ATP2C1: variants seen among roughly 807,000 people sequenced by gnomAD.
The protein encoded by ATP2C1 is ATPase secretory pathway Ca2+ transporting 1, also known as calcium-transporting ATPase type 2C member 1.
A neutral mutation model predicts 120.5 loss-of-function variants in ATP2C1; 31 were observed. The observed-to-expected ratio is 0.26, with a 90% CI of 0.19 to 0.35. The LOEUF (loss-of-function observed/expected upper bound fraction) is 0.35. ATP2C1 is among the 10% of genes least tolerant of loss of function. ATP2C1 has a pLI of 1.00. For missense variants in ATP2C1, 731 were observed against 1,107.5 expected (o/e 0.66, Z 4.83); for synonymous variants, 351 against 358.7 (o/e 0.98, Z 0.24).
chr3:130,865,295 G>A (rs2068134936), intron 1 of ATP2C1, among the ~76,000 whole-genome samples: 1 of 152,144 alleles, frequency 6.6e-6, no homozygotes, highest in East Asian at 1.9e-4. Flanking sequence ...CCCAATACCT[G>A]TACCTCCATT....
chr3:130,966,058 C>G (rs1172418102), intron 14 of ATP2C1, among the ~76,000 whole-genome samples: 2 of 152,168 alleles, frequency 1.3e-5, no homozygotes, highest in African/African-American at 4.8e-5. Flanking sequence ...CTGGAATGCT[C>G]TTAACACTAC....
chr3:130,859,007 G>A (rs1240789949), intron 1 of ATP2C1, among the ~76,000 whole-genome samples: 2 of 152,158 alleles, frequency 1.3e-5, no homozygotes, highest in Non-Finnish European at 2.9e-5. Context: ...TGCAGAGTGC[G>A]GGGGTATGTG....
chr3:130,937,500 T>A, intron 6 of ATP2C1, 37 bp downstream of exon 6: 3 of 1,572,018 alleles, frequency 1.9e-6, no homozygotes, highest in Non-Finnish European at 2.6e-6. Flanking sequence ...AAATGGTATG[T>A]TAATTGCTTA....
intron 1 of ATP2C1, among the ~76,000 whole-genome samples, chr3:130,878,336 A>G (rs1207641286): frequency 6.6e-6 from 1 of 152,136 alleles, no homozygotes; most frequent in Non-Finnish European, 1.5e-5. Flanking sequence ...AATAAATGAG[A>G]ATTTACTTCT....
downstream of ATP2C1, among the ~76,000 whole-genome samples, chr3:131,006,629 GTGTGTT>G (rs1356972232): frequency 8.9e-4 from 53 of 59,778 alleles, no homozygotes; most frequent in Non-Finnish European, 1.6e-3. Context: ...GATTTCTAGT[GTGTGTT>G]TGTGTGTGTG....
At chr3:130,969,191 T>C in intron 16 of ATP2C1, 101 bp from the exon 17 acceptor site, 1 of 780,024 alleles carries the variant, frequency 1.3e-6, no homozygotes, top group African/African-American at 1.7e-5. Flanking sequence ...AACTGAAAAA[T>C]AATCCAGCCA....
At chr3:130,981,292 A>G (rs1481926643) in intron 20 of ATP2C1, among the ~76,000 whole-genome samples, 6 of 152,180 alleles carry the variant, frequency 3.9e-5, no homozygotes, top group Non-Finnish European at 8.8e-5. Flanking sequence ...ATTGAATCAT[A>G]CCATATGAAT....
At chr3:130,887,559 G>C (rs990379921) in intron 1 of ATP2C1, among the ~76,000 whole-genome samples, 3 of 152,184 alleles carry the variant, frequency 2.0e-5, no homozygotes, top group Non-Finnish European at 4.4e-5. Flanking sequence ...AGTCCTTCCT[G>C]CTCTTCCCTC....
intron 22 of ATP2C1, 87 bp from the exon 23 acceptor site, chr3:130,995,956 T>C: frequency 1.0e-6 from 1 of 961,842 alleles, no homozygotes. Context: ...GAAATTTATT[T>C]TCAAAATTAG....
rs1473731584 is a variant in ATP2C1, at chr3:131,001,909, A to G, written c.*559A>G. The G allele has an allele frequency of 1.0e-6, 1 of 985,078 alleles. No individual in the cohort carries two copies. Among genetic ancestry groups the G allele is most frequent in the African/African-American group, 1.7e-5 (1 of 57,214 alleles). 61.0% of individuals were successfully genotyped at this position (985,078 alleles called of 1,614,324 possible). A position where few individuals can be genotyped will look rare whatever the true frequency, so the allele number is the denominator to read the frequency against. ...TATCAAGTTTTTTGCACAGGATGTG[A>G]CCACTGTCAGATCACTGTTCTTTTC... is the stretch of plus-strand genomic sequence containing the variant. On this transcript the variant is annotated 3_prime_UTR_variant, in exon 28 of 28. Transcript: ENST00000510168.
intron 23 of ATP2C1, 166 bp downstream of exon 23, chr3:130,996,277 A>T (rs988764354): frequency 2.2e-5 from 14 of 644,564 alleles, no homozygotes; most frequent in African/African-American, 3.7e-5. Flanking sequence ...TTTAAATGGC[A>T]TGATAAATAG....
At chr3:130,890,156 A>T (rs1361607801), upstream of ATP2C1, among the ~76,000 whole-genome samples, 3 of 152,190 alleles carry the variant, frequency 2.0e-5, no homozygotes, top group African/African-American at 7.2e-5. Flanking sequence ...GAATTATGCT[A>T]GTTTGGAAAC....
rs925548783 is a variant in ATP2C1, at chr3:130,941,624, C to T, written c.456C>T (p.Ala152=). Residue 152 remains alanine (A), a synonymous_variant, in exon 8 of 28, where the codon GCC becomes GCT. Transcript: ENST00000510168. ...AAGGAAAATTGGAGCATACACTTGC[C>T]CGAGACTTGGTTCCAGGTGATACAG... ...VREGKLEHTL[A]RDLVPGDTVC... The T allele has an allele frequency of 3.7e-6, 6 of 1,613,820 alleles. No individual in the cohort carries two copies. The Admixed American group carries it at 6.7e-5, about 18-fold the overall frequency.
chr3:130,903,363 T>C (rs1374275255), intron 2 of ATP2C1, among the ~76,000 whole-genome samples: 2 of 152,080 alleles, frequency 1.3e-5, no homozygotes, highest in East Asian at 3.9e-4. Context: ...TTAAATGATA[T>C]TAAATTGTAT....
intron 2 of ATP2C1, chr3:130,929,828 C>G (rs2059377526): frequency 5.9e-6 from 1 of 168,370 alleles, no homozygotes; most frequent in Non-Finnish European, 1.3e-5. Context: ...CAGCCTTCCC[C>G]ACCCTTCCCA....
intron 17 of ATP2C1, among the ~76,000 whole-genome samples, chr3:130,975,029 T>C (rs1203317907): frequency 1.3e-5 from 2 of 152,212 alleles, no homozygotes; most frequent in East Asian, 1.9e-4. Flanking sequence ...TGAGCTGTTA[T>C]TTCTCTTCCA....
At chr3:130,935,006 A>AT (rs2059606023) in intron 5 of ATP2C1, among the ~76,000 whole-genome samples, 2 of 151,942 alleles carry the variant, frequency 1.3e-5, no homozygotes, top group African/African-American at 4.8e-5. Flanking sequence ...CAATTTTAAA[A>AT]TTTTTTTGTA....
At position 130,898,372 on chromosome 3, in the gene ATP2C1, A is replaced by G. The variant is rs372732167; in HGVS notation, c.6+3597A>G. ...TAGGAATGTCTCAAGAAAAAATTGC[A>G]TTACTATAGTTGGAGAAGCTATAGG... On this transcript the variant is annotated intron_variant, in intron 2 of 27. Coordinates refer to ENST00000510168, the MANE Select transcript of ATP2C1 (RefSeq NM_001378687.1). Among the ~76,000 whole-genome samples the G allele has an allele frequency of 1.9e-4, 29 of 152,308 alleles. No individual in the cohort carries two copies. In the South Asian group the frequency reaches 5.6e-3, roughly 29 times the overall value.
At chr3:130,874,199 A>G (rs1402879791) in intron 1 of ATP2C1, among the ~76,000 whole-genome samples, 3 of 152,136 alleles carry the variant, frequency 2.0e-5, no homozygotes, top group African/African-American at 4.8e-5. Flanking sequence ...ATTCTAAAAG[A>G]TCATCAATGT....
Sources: gnomAD v4.1 joint callset for allele counts (sites outside exome capture counted in the v4.1 genomes callset) on GRCh38, gnomAD v4.1.1 for gene constraint, MANE v1.5 for transcripts, NCBI Gene and HGNC (gene_info 2026-07-23, HGNC 2026-07-21) for gene names.